The following POT1 variants were observed in gnomAD, a reference collection of about 807,000 sequenced individuals.
POT1 encodes the protein protection of telomeres 1.
POT1 carries 47 observed loss-of-function variants against 78.5 expected under a neutral mutation model. The ratio of observed to expected loss-of-function variants is 0.60; its 90% CI spans 0.47 to 0.76. POT1 has a LOEUF of 0.76. POT1 is among the 30% of genes least tolerant of loss of function. POT1 has a pLI of 0.00. For synonymous variants in POT1, 259 were observed against 260.7 expected (o/e 0.99, Z 0.06); for missense variants, 646 against 749.9 (o/e 0.86, Z 1.62).
intron 12 of POT1, among the ~76,000 whole-genome samples, chr7:124,843,608 G>A (rs189666631): frequency 5.3e-5 from 8 of 152,268 alleles, no homozygotes; most frequent in Non-Finnish European, 8.8e-5. Flanking sequence ...CTGGGAAATA[G>A]GTACAATAGG....
intron 2 of POT1, among the ~76,000 whole-genome samples, chr7:124,925,292 GT>G (rs1797247218): frequency 6.6e-6 from 1 of 151,926 alleles, no homozygotes; most frequent in Non-Finnish European, 1.5e-5. Flanking sequence ...ACAAAAATCA[GT>G]AATGTTTCTA....
At chr7:124,829,726 C>A (rs544136874) in intron 15 of POT1, among the ~76,000 whole-genome samples, 40 of 150,082 alleles carry the variant, frequency 2.7e-4, no homozygotes, top group Admixed American at 2.1e-3. Context: ...ATATCTATAT[C>A]TATATATATA....
intron 6 of POT1, among the ~76,000 whole-genome samples, chr7:124,878,343 G>A (rs1262895061): frequency 1.3e-5 from 2 of 151,742 alleles, no homozygotes; most frequent in Admixed American, 1.3e-4. Flanking sequence ...AAAAGCAGGG[G>A]GTGGGGGGAA....
intron 11 of POT1, among the ~76,000 whole-genome samples, chr7:124,850,569 T>C (rs887307087): frequency 3.3e-5 from 5 of 151,812 alleles, no homozygotes; most frequent in African/African-American, 4.8e-5. Context: ...CTACTAAAAA[T>C]ATATATAAAA....
intron 6 of POT1, among the ~76,000 whole-genome samples, chr7:124,885,614 A>C (rs1239658975): frequency 6.6e-6 from 1 of 151,782 alleles, no homozygotes; most frequent in Non-Finnish European, 1.5e-5. Context: ...AAAATACAAA[A>C]AATTAGCCAG....
chr7:124,889,798 G>A (rs978644459), intron 6 of POT1, among the ~76,000 whole-genome samples: 1 of 151,986 alleles, frequency 6.6e-6, no homozygotes, highest in African/African-American at 2.4e-5. Context: ...CCAACGTTGA[G>A]ACGTACTGCT....
chr7:124,859,054 A>G lies in POT1; in HGVS notation c.605T>C (p.Val202Ala). 1 of 1,610,936 alleles carries G rather than the reference A, an allele frequency of 6.2e-7. No homozygotes were observed. The change falls in exon 9 of 19, where the codon GTT (valine) becomes GCT (alanine). Residue 202 changes from valine to alanine, a missense_variant. By Grantham distance (64) the Val-to-Ala change is moderately conservative. This residue lies in a region of POT1 where 252 missense variants were observed against 341.4 expected (regional missense o/e 0.74). Transcript: ENST00000357628. ...GATGTGACTTAAATCACCTTCAAGA[A>G]CAAGGTCTTGTATTAAGACTCTCCA... ...PSWRVLIQDL[V>A]LEGDLSHIHR...
At chr7:124,888,675 A>AT (rs1321768427) in intron 6 of POT1, among the ~76,000 whole-genome samples, 1 of 151,964 alleles carries the variant, frequency 6.6e-6, no homozygotes, top group African/African-American at 2.4e-5. Context: ...TACTGTCACC[A>AT]TTTTTGCAAC....
chr7:124,853,118 G>A lies in POT1; in HGVS notation c.723C>T (p.Ile241=), dbSNP rs371599223. ...RSLKVGSFLR[I]YSLHTKLQSM... is the part of the protein sequence containing the mutation. ...ATTGAAGTTTGGTATGAAGGCTATAGATTCTAAGAAAGCTTCCAACCTAAA... is the reference window on the plus strand; with the variant it reads ...ATTGAAGTTTGGTATGAAGGCTATAAATTCTAAGAAAGCTTCCAACCTAAA... Residue 241 remains isoleucine, a synonymous_variant, in exon 10 of 19, where the codon ATC becomes ATT. Transcript: ENST00000357628. 1.0e-5 allele frequency: 16 copies of A among 1,593,740 alleles called. No homozygotes were observed. The highest frequency in any genetic ancestry group is 2.3e-5 in the South Asian group (2 of 88,280).
intron 6 of POT1, among the ~76,000 whole-genome samples, chr7:124,875,954 A>G (rs1346812163): frequency 6.6e-6 from 1 of 152,204 alleles, no homozygotes. Flanking sequence ...CAGTAGGCAA[A>G]TGTATAAATA....
intron 6 of POT1, among the ~76,000 whole-genome samples, chr7:124,878,956 T>C (rs59802163): frequency 0.043 from 6,533 of 151,512 alleles, 350 homozygotes; most frequent in African/African-American, 0.12. Context: ...AGTTGACGAA[T>C]AAGAAATGAA....
At chr7:124,901,676 A>T (rs1796623640) in intron 3 of POT1, among the ~76,000 whole-genome samples, 1 of 152,210 alleles carries the variant, frequency 6.6e-6, no homozygotes, top group African/African-American at 2.4e-5. Flanking sequence ...GACAGAGAAT[A>T]ACTTTGATGA....
At chr7:124,853,724 CGTAAGA>C (rs1055884188) in intron 9 of POT1, among the ~76,000 whole-genome samples, 1 of 94,810 alleles carries the variant, frequency 1.1e-5, no homozygotes, top group African/African-American at 4.3e-5. Context: ...TGAGTTCAAA[CGTAAGA>C]GTTAACTAAT....
Position 124,822,661 on chromosome 7 carries a change from T to C in POT1, c.*1301A>G. On this transcript the variant is annotated 3_prime_UTR_variant, in exon 19 of 19. Transcript: ENST00000357628. The stretch of plus-strand genomic sequence containing the variant: ...TTAAAATATTTTTCCTGAAAATGTT[T>C]TGAACCAAGAGTCTATATTCTTGAA... 1 of 379,232 alleles carries C rather than the reference T, an allele frequency of 2.6e-6. No homozygotes were observed. Among genetic ancestry groups the C allele is most frequent in the Non-Finnish European group, 5.6e-6 (1 of 178,088 alleles). The allele number at this position is 379,232 out of a possible 1,614,324, so 23.5% of individuals were successfully genotyped here.
chr7:124,857,015 TTTGAG>T (rs368713284), intron 9 of POT1, among the ~76,000 whole-genome samples: 86 of 152,284 alleles, frequency 5.6e-4, no homozygotes, highest in African/African-American at 2.0e-3. Flanking sequence ...AATTTATTGA[TTTGAG>T]TTGAGTAAAC....
At chr7:124,916,654 A>G (rs1374858422) in intron 2 of POT1, among the ~76,000 whole-genome samples, 1 of 152,216 alleles carries the variant, frequency 6.6e-6, no homozygotes, top group Non-Finnish European at 1.5e-5. Context: ...CCAAGATACA[A>G]ATAAAATTTT....
intron 2 of POT1, among the ~76,000 whole-genome samples, chr7:124,928,578 G>T (rs1033218608): frequency 1.3e-5 from 2 of 152,076 alleles, no homozygotes; most frequent in African/African-American, 4.8e-5. Context: ...CTTTAGTTCC[G>T]GGACTATATT....
chr7:124,878,116 T>A (rs7799883), intron 6 of POT1, among the ~76,000 whole-genome samples: 91,209 of 151,698 alleles, frequency 0.6, 27,543 homozygotes, highest in African/African-American at 0.65. Context: ...GGATCACTAG[T>A]GGCCAGGAGT....
chr7:124,891,280 G>T (rs898201304), intron 6 of POT1, among the ~76,000 whole-genome samples: 1 of 151,622 alleles, frequency 6.6e-6, no homozygotes, highest in African/African-American at 2.4e-5. Flanking sequence ...ACTGCCTGTT[G>T]TGACAGTTTT....
Sources: allele counts gnomAD v4.1 joint callset (sites outside exome capture counted in the v4.1 genomes callset), GRCh38; gene constraint gnomAD v4.1.1; regional missense constraint gnomAD v4.1.1; transcripts MANE v1.5; gene names NCBI Gene and HGNC (gene_info 2026-07-23, HGNC 2026-07-21).